The following SULT1B1 variants were observed in gnomAD, a reference collection of about 807,000 sequenced individuals.
SULT1B1 encodes sulfotransferase 1B1.
In SULT1B1, 28 loss-of-function variants were observed where a neutral mutation model predicts 34.6. The ratio of observed to expected loss-of-function variants is 0.81; its 90% CI spans 0.60 to 1.11. The LOEUF is 1.11. Among genes scored for constraint, SULT1B1 ranks in the 50% least tolerant of loss-of-function variants. The probability of loss-of-function intolerance (pLI) is 0.00; values close to 1 mark genes in which losing one functional copy is unlikely to be tolerated. For missense variants in SULT1B1, 374 were observed against 352.2 expected, an observed-to-expected ratio of 1.06 and a Z score of -0.50; for synonymous variants, 147 against 110.2, an observed-to-expected ratio of 1.33 and a Z score of -2.09.
intron 6 of SULT1B1, 45 bp downstream of exon 6, chr4:69,733,368 T>C (rs780674528): frequency 7.3e-7 from 1 of 1,373,768 alleles, no homozygotes; most frequent in Middle Eastern, 1.8e-4. Flanking sequence ...TTTTACAGCA[T>C]GATGCAGTGG....
chr4:69,751,540 C>G (rs1187814610), intron 3 of SULT1B1, among the ~76,000 whole-genome samples: 1 of 152,112 alleles, frequency 6.6e-6, no homozygotes, highest in Non-Finnish European at 1.5e-5. Flanking sequence ...CAAGCTCTGC[C>G]TCCCGGGTTC....
intron 4 of SULT1B1, among the ~76,000 whole-genome samples, chr4:69,744,778 G>T (rs998315498): frequency 6.6e-6 from 1 of 151,882 alleles, no homozygotes; most frequent in African/African-American, 2.4e-5. Flanking sequence ...TTTGATATTG[G>T]TTTGCTCTTA....
chr4:69,757,643 A>C (rs978612533), intron 1 of SULT1B1, among the ~76,000 whole-genome samples: 2 of 152,124 alleles, frequency 1.3e-5, no homozygotes, highest in African/African-American at 4.8e-5. Context: ...TTTTCATTTT[A>C]TATTGTAAGA....
At chr4:69,734,289 GA>G (rs768700299) in intron 4 of SULT1B1, 25 bp from the exon 5 acceptor site, 4 of 1,590,144 alleles carry the variant, frequency 2.5e-6, no homozygotes, top group Non-Finnish European at 3.4e-6. Context: ...GGGGGTAGGA[GA>G]AAAAAATAAG....
At chr4:69,746,073 C>T (rs1425899245) in intron 4 of SULT1B1, among the ~76,000 whole-genome samples, 2 of 152,112 alleles carry the variant, frequency 1.3e-5, no homozygotes, top group East Asian at 3.9e-4. Context: ...CTGAATAGTC[C>T]ACTGCTAGCC....
At chr4:69,744,864 C>T (rs1275368807) in intron 4 of SULT1B1, among the ~76,000 whole-genome samples, 1 of 152,126 alleles carries the variant, frequency 6.6e-6, no homozygotes, top group Non-Finnish European at 1.5e-5. Context: ...AGGTATTTAG[C>T]ACTATAAACC....
At position 69,728,803 on chromosome 4, in the gene SULT1B1, TA is replaced by T. The variant is rs1434784935; in HGVS notation, c.779-1604del. Among the ~76,000 whole-genome samples the T allele has an allele frequency of 4.6e-5, 7 of 152,178 alleles. No individual in the cohort carries two copies. In the South Asian group the frequency reaches 1.0e-3, roughly 23 times the overall value. ...CCCCAGAAACTTTTGCCACAGGTGT[TA>T]TTATATTATCTATTTTGCCAGTGAT... On this transcript the variant is annotated intron_variant, in intron 7 of 7. Coordinates refer to ENST00000310613, the MANE Select transcript of SULT1B1 (RefSeq NM_014465.4).
chr4:69,737,507 T>A (rs1560523863), intron 4 of SULT1B1, among the ~76,000 whole-genome samples: 1 of 152,178 alleles, frequency 6.6e-6, no homozygotes, highest in Non-Finnish European at 1.5e-5. Flanking sequence ...AAAAGTTACA[T>A]TATCTGATGC....
chr4:69,735,102 A>C (rs961703874), intron 4 of SULT1B1, among the ~76,000 whole-genome samples: 13 of 152,192 alleles, frequency 8.5e-5, no homozygotes, highest in Admixed American at 8.5e-4. Context: ...ACAGGCATGA[A>C]CCATCGTGCC....
In SULT1B1 at chr4:69,754,786, A is replaced by T. The variant is rs1719125293; in HGVS notation, c.161T>A (p.Val54Asp). ...ATYPKSGTTW[V>D]SEIIDMILND... ...TAGAATCATGTCTATAATTTCACTA[A>T]CCCAAGTAGTACCTGTGACAAAAGG... The change falls in exon 3 of 8, where the codon GTT becomes GAT. Residue 54 changes from valine to aspartate, a missense_variant. Physicochemically the swap from Val to Asp is radical, Grantham distance 152. Transcript: ENST00000310613. The T allele has an allele frequency of 6.2e-7, 1 of 1,612,296 alleles. No individual in the cohort carries two copies. Among genetic ancestry groups the T allele is most frequent in the East Asian group, 2.2e-5 (1 of 44,756 alleles).
At chr4:69,752,452 T>C (rs1316656655) in intron 3 of SULT1B1, among the ~76,000 whole-genome samples, 2 of 152,182 alleles carry the variant, frequency 1.3e-5, no homozygotes, top group Non-Finnish European at 2.9e-5. Flanking sequence ...TATTAATATA[T>C]AAATGCCACT....
At chr4:69,735,951 T>G (rs1468478855) in intron 4 of SULT1B1, among the ~76,000 whole-genome samples, 2 of 152,196 alleles carry the variant, frequency 1.3e-5, no homozygotes, top group African/African-American at 4.8e-5. Flanking sequence ...CCACTGAAGA[T>G]GATAGGAAAG....
chr4:69,730,304 T>C (rs1718022565), intron 7 of SULT1B1, among the ~76,000 whole-genome samples, 197 bp downstream of exon 7: 1 of 152,144 alleles, frequency 6.6e-6, no homozygotes, highest in Non-Finnish European at 1.5e-5. Context: ...TTATCATATA[T>C]TCAAGGTATT....
chr4:69,734,157 C>A lies in SULT1B1; in HGVS notation c.483G>T (p.Glu161Asp). 1.2e-6 allele frequency: 2 copies of A among 1,610,290 alleles called. No individual in the cohort carries two copies. Among genetic ancestry groups the A allele is most frequent in the South Asian group, 1.1e-5 (1 of 90,250 alleles). Residue 161 changes from glutamate to aspartate, a missense_variant, in exon 5 of 8, where the codon GAG (glutamate) becomes GAT (aspartate). Coordinates refer to ENST00000310613, the MANE Select transcript of SULT1B1 (RefSeq NM_014465.4). ...ACATACCTTTTCCAGTTAAGAATTTCTCCAGATATTCTTCCCAGGTACCAG... is the reference window on the plus strand; with the variant it reads ...ACATACCTTTTCCAGTTAAGAATTTATCCAGATATTCTTCCCAGGTACCAG... ...PFPGTWEEYL[E>D]KFLTGKVAYG... is the part of the protein sequence containing the mutation.
chr4:69,742,829 C>A (rs1478369569), intron 4 of SULT1B1, among the ~76,000 whole-genome samples: 1 of 152,236 alleles, frequency 6.6e-6, no homozygotes, highest in Non-Finnish European at 1.5e-5. Context: ...CAGAGCCCGG[C>A]CTGCCAGCTG....
chr4:69,745,725 A>G (rs1266313653), intron 4 of SULT1B1, among the ~76,000 whole-genome samples: 2 of 152,170 alleles, frequency 1.3e-5, no homozygotes, highest in Admixed American at 1.3e-4. Context: ...ATCAAAATTC[A>G]TATGTGAAGA....
chr4:69,749,816 T>C lies in SULT1B1; in HGVS notation c.280A>G (p.Ile94Val), dbSNP rs1199794394. 1.2e-6 allele frequency: 2 copies of C among 1,611,244 alleles called. No homozygotes were observed. Among genetic ancestry groups the C allele is most frequent in the Admixed American group, 3.3e-5 (2 of 60,016 alleles). ...GATGGATTCTTCTCCAATTGTTCTA[T>C]ACCTGAGAAATTTAGTTAAGTATAG... ...MTLPGLRTSGIEQLEKNPSPR... is the reference protein window; with the variant it reads ...MTLPGLRTSGVEQLEKNPSPR... The change falls in exon 4 of 8, where the codon ATA (isoleucine) becomes GTA (valine). Residue 94 changes from isoleucine (I) to valine (V), a missense_variant and splice_region_variant. Physicochemically the swap from Ile to Val is conservative, Grantham distance 29. Transcript: ENST00000310613.
chr4:69,747,550 G>A (rs1300699515), intron 4 of SULT1B1, among the ~76,000 whole-genome samples: 4 of 152,202 alleles, frequency 2.6e-5, no homozygotes, highest in African/African-American at 4.8e-5. Flanking sequence ...AGACCTGGGA[G>A]CTAGCAAAAG....
In SULT1B1 at chr4:69,722,218, T is replaced by G. The variant is rs1396988150; in HGVS notation, c.*4870A>C. The G allele has an allele frequency of 6.6e-6, 1 of 152,152 alleles. No homozygotes were observed. Among genetic ancestry groups the G allele is most frequent in the Non-Finnish European group, 1.5e-5 (1 of 68,008 alleles). The allele number at this position is 152,152 out of a possible 1,614,324, so 9.4% of individuals were successfully genotyped here. On this transcript the variant is annotated 3_prime_UTR_variant, in exon 8 of 8. Coordinates refer to ENST00000310613, the MANE Select transcript of SULT1B1 (RefSeq NM_014465.4). ...TACCTGAGGCATAATTACAACTTAC[T>G]AAGTTTTCGTTGAATACAGTCCAAT...
Sources: allele counts gnomAD v4.1 joint callset (sites outside exome capture counted in the v4.1 genomes callset), GRCh38; gene constraint gnomAD v4.1.1; transcripts MANE v1.5; gene names NCBI Gene and HGNC (gene_info 2026-07-23, HGNC 2026-07-21).